Variants in STK26 observed in about 807,000 individuals in gnomAD.
The protein encoded by STK26 is serine/threonine kinase 26.
Under a neutral mutation model 34.7 loss-of-function variants are expected in STK26, and 14 were observed. That is an observed-to-expected ratio of 0.40 (90% CI 0.27 to 0.63). STK26 has a LOEUF of 0.63. Ranked by LOEUF, STK26 falls within the 30% of genes least tolerant of loss-of-function variation. STK26 has a pLI of 0.38. For missense variants in STK26, 226 were observed against 309.1 expected (o/e 0.73, Z 2.02); for synonymous variants, 100 against 109.8 (o/e 0.91, Z 0.56).
chrX:132,040,788 A>G (rs1259531478), intron 2 of STK26, among the ~76,000 whole-genome samples: 1 of 111,816 alleles, frequency 8.9e-6, no homozygotes, highest in Non-Finnish European at 1.9e-5. Flanking sequence ...GTCTGAAGTA[A>G]GGAGAATAAT....
At chrX:132,035,808 C>T (rs1926021716) in intron 2 of STK26, among the ~76,000 whole-genome samples, 2 of 94,255 alleles carry the variant, frequency 2.1e-5, no homozygotes, top group Non-Finnish European at 4.2e-5. Flanking sequence ...AACAAACAAA[C>T]CAGACTTAAT....
chrX:132,056,824 A>C (rs1926876246), intron 3 of STK26, among the ~76,000 whole-genome samples: 1 of 112,677 alleles, frequency 8.9e-6, no homozygotes, highest in African/African-American at 3.2e-5. Context: ...TGTCTGGAGC[A>C]TAGGCACGCT....
chrX:132,060,402 T>C (rs1023224968), intron 3 of STK26, among the ~76,000 whole-genome samples: 2 of 111,045 alleles, frequency 1.8e-5, no homozygotes, highest in Admixed American at 9.6e-5. Context: ...GTGGTAAATT[T>C]TCTAGCCATA....
intron 2 of STK26, among the ~76,000 whole-genome samples, chrX:132,035,291 T>C (rs1465847280): frequency 1.8e-5 from 2 of 111,462 alleles, no homozygotes; most frequent in Non-Finnish European, 3.8e-5. Flanking sequence ...TGGTCACCCA[T>C]GACTTCTGTT....
intron 2 of STK26, among the ~76,000 whole-genome samples, chrX:132,029,791 C>G (rs1057270639): frequency 9.0e-6 from 1 of 111,397 alleles, no homozygotes; most frequent in East Asian, 2.8e-4. Flanking sequence ...CTATAGAAAT[C>G]TCTTCTATTT....
chrX:132,063,528 G>A (rs766071747), intron 4 of STK26, 39 bp downstream of exon 4: 2 of 1,132,945 alleles, frequency 1.8e-6, no homozygotes, highest in Non-Finnish European at 2.4e-6. Flanking sequence ...ATGCAAATGT[G>A]TGCATATGCA....
At chrX:132,061,735 T>C (rs1201301420) in intron 3 of STK26, among the ~76,000 whole-genome samples, 1 of 111,597 alleles carries the variant, frequency 9.0e-6, no homozygotes, top group Non-Finnish European at 1.9e-5. Context: ...TCTTCAACCC[T>C]CTCCCATCCC....
At chrX:132,055,724 G>T (rs941346629) in intron 3 of STK26, among the ~76,000 whole-genome samples, 2 of 112,211 alleles carry the variant, frequency 1.8e-5, no homozygotes, top group African/African-American at 3.2e-5. Flanking sequence ...GCCATTCAGG[G>T]TTTAAAAGGA....
Position 132,068,503 on chromosome X carries a change from T to C in STK26, c.531T>C (p.Asn177=), listed in dbSNP as rs142833022. The C allele has an allele frequency of 2.5e-6, 3 of 1,211,061 alleles. No homozygotes were observed. The highest frequency in any genetic ancestry group is 3.5e-5 in the African/African-American group (2 of 57,746). The change falls in exon 6 of 12, where the codon AAT becomes AAC. Residue 177 remains asparagine (N), a synonymous_variant. Coordinates refer to ENST00000394334, the MANE Select transcript of STK26 (RefSeq NM_016542.4). ...TGACAGATACACAGATTAAAAGAAA[T>C]ACCTTTGTGGGAACTCCATTTTGGA... ...GQLTDTQIKR[N]TFVGTPFWMA...
At chrX:132,051,504 T>C (rs1926688785) in intron 2 of STK26, among the ~76,000 whole-genome samples, 1 of 111,755 alleles carries the variant, frequency 8.9e-6, no homozygotes, top group African/African-American at 3.3e-5. Flanking sequence ...ATAGAGCTCT[T>C]TTTTTGGGGC....
chrX:132,066,049 A>G (rs928920508), intron 4 of STK26, among the ~76,000 whole-genome samples: 20 of 111,790 alleles, frequency 1.8e-4, no homozygotes, highest in African/African-American at 6.5e-4. Flanking sequence ...TGTTTCTCAC[A>G]TTAAACTGGT....
chrX:132,072,555 A>G (rs1445295659), intron 9 of STK26, among the ~76,000 whole-genome samples, 194 bp downstream of exon 9: 1 of 90,369 alleles, frequency 1.1e-5, no homozygotes, highest in East Asian at 3.0e-4. Flanking sequence ...AAGTGGCCAT[A>G]TTGGTATTTT....
Position 132,072,379 on chromosome X carries a change from A to G in STK26, c.1026+18A>G. 8.8e-7 allele frequency: 1 copy of G among 1,142,253 alleles called. No homozygotes were observed. Among genetic ancestry groups the G allele is most frequent in the East Asian group, 3.0e-5 (1 of 33,223 alleles). 94.1% of individuals were successfully genotyped at this position (1,142,253 alleles called of 1,213,427 possible). A position where few individuals can be genotyped will look rare whatever the true frequency, so the allele number is the denominator to read the frequency against. On this transcript the variant is annotated intron_variant, in intron 9 of 11. Transcript: ENST00000394334. The stretch of plus-strand genomic sequence containing the variant: ...ATGGGGCAGTATGTATATGGAGACA[A>G]TTACTTACTCTTCATACAGTTTTTC...
intron 2 of STK26, among the ~76,000 whole-genome samples, chrX:132,025,405 T>C (rs1386907095): frequency 1.8e-5 from 2 of 112,027 alleles, no homozygotes; most frequent in Admixed American, 9.5e-5. Context: ...CTTGAACTTA[T>C]TGAATTTATA....
intron 2 of STK26, among the ~76,000 whole-genome samples, chrX:132,050,242 T>C (rs956599316): frequency 1.8e-5 from 2 of 111,743 alleles, no homozygotes; most frequent in African/African-American, 6.5e-5. Context: ...TTATCCTTCA[T>C]CAATGTTGGC....
intron 3 of STK26, among the ~76,000 whole-genome samples, chrX:132,057,181 G>A (rs1241210640): frequency 8.9e-6 from 1 of 111,945 alleles, no homozygotes; most frequent in Non-Finnish European, 1.9e-5. Context: ...TTTCAGAGTG[G>A]TGGCTTCTTT....
chrX:132,032,014 A>G (rs1489107719), intron 2 of STK26, among the ~76,000 whole-genome samples: 1 of 111,083 alleles, frequency 9.0e-6, no homozygotes, highest in Non-Finnish European at 1.9e-5. Flanking sequence ...AAACCTATAT[A>G]TGGAACATAT....
chrX:132,072,297 A>C lies in STK26; in HGVS notation c.962A>C (p.His321Pro), dbSNP rs1267363197. The C allele has an allele frequency of 8.3e-7, 1 of 1,209,502 alleles. No individual in the cohort carries two copies. The highest frequency in any genetic ancestry group is 3.0e-5 in the East Asian group (1 of 33,763). The stretch of plus-strand genomic sequence containing the variant: ...TCTACCAGCAGGGAAAACAATACTC[A>C]TCCTGAATGGAGCTTTACCACCGTA... ...SESTSRENNT[H>P]PEWSFTTVRK... Residue 321 changes from histidine (H) to proline (P), a missense_variant, in exon 9 of 12, where the codon CAT (histidine) becomes CCT (proline). Around this residue, in one of 2 missense-constraint regions of STK26, gnomAD observed 126 missense variants for 132.4 expected, o/e 0.95. Coordinates refer to ENST00000394334, the MANE Select transcript of STK26 (RefSeq NM_016542.4).
intron 2 of STK26, among the ~76,000 whole-genome samples, chrX:132,026,987 C>T (rs945106326): frequency 7.1e-5 from 8 of 112,251 alleles, no homozygotes; most frequent in African/African-American, 1.9e-4. Context: ...AGCATACTGA[C>T]GTATATTACA....
Sources: allele counts gnomAD v4.1 joint callset (sites outside exome capture counted in the v4.1 genomes callset), GRCh38; gene constraint gnomAD v4.1.1; regional missense constraint gnomAD v4.1.1; transcripts MANE v1.5; gene names NCBI Gene and HGNC (gene_info 2026-07-23, HGNC 2026-07-21).